The following PTPN1 variants were observed in gnomAD, a reference collection of about 807,000 sequenced individuals.
The protein encoded by PTPN1 is tyrosine-protein phosphatase non-receptor type 1.
PTPN1 carries 12 observed loss-of-function variants against 59.9 expected under a neutral mutation model. The ratio of observed to expected loss-of-function variants is 0.20; its 90% CI spans 0.13 to 0.32. The LOEUF is 0.32. Ranked by LOEUF, PTPN1 falls within the 10% of genes least tolerant of loss-of-function variation. The pLI, the probability that PTPN1 is intolerant of heterozygous loss-of-function variation, is 1.00. For missense variants in PTPN1, 356 were observed against 549.2 expected (o/e 0.65, Z 3.52); for synonymous variants, 178 against 203.6 (o/e 0.87, Z 1.07).
chr20:50,517,849 G>C (rs2082535678), intron 1 of PTPN1, among the ~76,000 whole-genome samples: 1 of 152,114 alleles, frequency 6.6e-6, no homozygotes, highest in Non-Finnish European at 1.5e-5. Context: ...TCCCAAGTAG[G>C]CTTGTGTCCC....
intron 1 of PTPN1, among the ~76,000 whole-genome samples, chr20:50,539,177 A>G (rs1176685443): frequency 6.6e-6 from 1 of 151,914 alleles, no homozygotes; most frequent in Non-Finnish European, 1.5e-5. Context: ...CTGGGATTAC[A>G]GTCACGTGCC....
At chr20:50,519,666 A>C (rs1393818428) in intron 1 of PTPN1, among the ~76,000 whole-genome samples, 1 of 152,144 alleles carries the variant, frequency 6.6e-6, no homozygotes, top group Admixed American at 6.5e-5. Flanking sequence ...TTTTATTTAC[A>C]GGGCAAAACT....
chr20:50,578,862 G>C (rs566871371), intron 6 of PTPN1, among the ~76,000 whole-genome samples: 1 of 152,180 alleles, frequency 6.6e-6, no homozygotes, highest in African/African-American at 2.4e-5. Context: ...GCATCTGCTC[G>C]GCTCCTGGGG....
rs1038485012 is a variant in PTPN1 at position 50,510,474 on chromosome 20, C to T, written c.-54C>T. On this transcript the variant is annotated 5_prime_UTR_variant, in exon 1 of 10. Transcript: ENST00000371621. ...GCTAAGAGCGCGACGCGGCCTAGAG[C>T]GGCAGACGGCGCAGTGGGCCGAGAA... The T allele has an allele frequency of 8.5e-6, 13 of 1,538,290 alleles. No individual in the cohort carries two copies. The African/African-American group carries it at 1.1e-4, about 13-fold the overall frequency.
chr20:50,513,135 A>C (rs1334375696), intron 1 of PTPN1, among the ~76,000 whole-genome samples: 1 of 152,234 alleles, frequency 6.6e-6, no homozygotes, highest in Non-Finnish European at 1.5e-5. Flanking sequence ...CTTTTTAGGC[A>C]GAGATTCTTT....
intron 1 of PTPN1, among the ~76,000 whole-genome samples, chr20:50,521,269 T>A (rs1015799845): frequency 6.6e-6 from 1 of 152,236 alleles, no homozygotes; most frequent in East Asian, 1.9e-4. Flanking sequence ...AATCTTCCAT[T>A]TGAGAGAGAA....
At chr20:50,561,154 C>T (rs1167127609) in intron 1 of PTPN1, among the ~76,000 whole-genome samples, 1 of 152,164 alleles carries the variant, frequency 6.6e-6, no homozygotes, top group Non-Finnish European at 1.5e-5. Flanking sequence ...TGCCCTCTTC[C>T]TCGTCTTTCC....
intron 1 of PTPN1, among the ~76,000 whole-genome samples, chr20:50,534,389 C>T (rs1362788300): frequency 6.6e-4 from 101 of 152,122 alleles, no homozygotes; most frequent in Admixed American, 6.6e-3. Context: ...TGAAAATATG[C>T]TGCATTATTT....
chr20:50,579,715 G>C lies in PTPN1; in HGVS notation c.877G>C (p.Glu293Gln). 1.2e-6 allele frequency: 2 copies of C among 1,612,088 alleles called. No homozygotes were observed. The highest frequency in any genetic ancestry group is 1.7e-6 in the Non-Finnish European group (2 of 1,179,650). ...CTGCTCTTTCAAGGATCAGTGGAAG[G>C]AGCTTTCCCACGAGGACCTGGAGCC... Reference protein sequence around the residue: ...GDSSVQDQWKELSHEDLEPPP... With the variant: ...GDSSVQDQWKQLSHEDLEPPP... The change falls in exon 8 of 10, where the codon GAG becomes CAG. Residue 293 changes from glutamate (E) to glutamine (Q), a missense_variant. Glu to Gln is a conservative substitution (Grantham distance 29, BLOSUM62 2). Coordinates refer to ENST00000371621, the MANE Select transcript of PTPN1 (RefSeq NM_002827.4).
intron 1 of PTPN1, among the ~76,000 whole-genome samples, chr20:50,530,900 C>G (rs936418302): frequency 1.3e-5 from 2 of 151,940 alleles, no homozygotes; most frequent in Non-Finnish European, 2.9e-5. Flanking sequence ...GACAGGGTCT[C>G]GCTATTTTGC....
At chr20:50,542,985 G>C (rs1205157656) in intron 1 of PTPN1, among the ~76,000 whole-genome samples, 1 of 152,112 alleles carries the variant, frequency 6.6e-6, no homozygotes, top group Non-Finnish European at 1.5e-5. Context: ...AGATTTTTCT[G>C]TTATGCCTAT....
At chr20:50,580,228 G>A (rs1258767310) in intron 8 of PTPN1, among the ~76,000 whole-genome samples, 1 of 152,132 alleles carries the variant, frequency 6.6e-6, no homozygotes, top group African/African-American at 2.4e-5. Context: ...CCCCCCTGAC[G>A]ACAGCGCCCT....
chr20:50,528,269 C>T (rs764324457), intron 1 of PTPN1, among the ~76,000 whole-genome samples: 2 of 152,186 alleles, frequency 1.3e-5, no homozygotes, highest in Non-Finnish European at 2.9e-5. Flanking sequence ...AGCACCATGT[C>T]TGAGTATACT....
chr20:50,568,402 G>A lies in PTPN1; in HGVS notation c.278G>A (p.Gly93Asp). ...LTQGPLPNTC[G>D]HFWEMVWEQK... ...CAGGGCCCTTTGCCTAACACATGCG[G>A]TCACTTTTGGGAGATGGTGTGGGAG... Residue 93 changes from glycine (G) to aspartate (D), a missense_variant, in exon 4 of 10, where the codon GGT becomes GAT. By Grantham distance (94) the Gly-to-Asp change is moderately conservative (BLOSUM62 -1). Around this residue, in one of 3 missense-constraint regions of PTPN1, gnomAD observed 194 missense variants for 344.2 expected, o/e 0.56. Transcript: ENST00000371621. The surrounding 1 kb of genome is among the most constrained non-coding windows in gnomAD (Gnocchi z 5.6). 6.2e-7 allele frequency: 1 copy of A among 1,614,102 alleles called. No homozygotes were observed. The highest frequency in any genetic ancestry group is 8.5e-7 in the Non-Finnish European group (1 of 1,179,976).
chr20:50,527,174 G>A (rs1172271748), intron 1 of PTPN1, among the ~76,000 whole-genome samples: 2 of 152,042 alleles, frequency 1.3e-5, no homozygotes, highest in Admixed American at 6.6e-5. Flanking sequence ...CCAGTTCAAC[G>A]TTCTCAGCTT....
chr20:50,576,826 G>T (rs2082839302), intron 5 of PTPN1, among the ~76,000 whole-genome samples: 2 of 152,180 alleles, frequency 1.3e-5, no homozygotes, highest in Admixed American at 6.5e-5. Flanking sequence ...ATTGAGCCGA[G>T]ATCATGCCAC....
chr20:50,582,997 C>T lies in PTPN1; in HGVS notation c.*282C>T. 2.0e-6 allele frequency: 1 copy of T among 491,650 alleles called. No individual in the cohort carries two copies. The highest frequency in any genetic ancestry group is 3.7e-6 in the Non-Finnish European group (1 of 271,856). The allele number at this position is 491,650 out of a possible 1,614,324, so 30.5% of individuals were successfully genotyped here. A position where few individuals can be genotyped will look rare whatever the true frequency, so the allele number is the denominator to read the frequency against. ...ATGCTGGCGGCGCAGAGGGAAGGGG[C>T]CTACACCCGTCTTGGGGCTCGCCCC... On this transcript the variant is annotated 3_prime_UTR_variant, in exon 10 of 10. Coordinates refer to ENST00000371621, the MANE Select transcript of PTPN1 (RefSeq NM_002827.4). The surrounding 1 kb of genome is among the most constrained non-coding windows in gnomAD (Gnocchi z 4.2).
intron 2 of PTPN1, among the ~76,000 whole-genome samples, chr20:50,564,002 G>A (rs1435676669): frequency 1.3e-5 from 2 of 151,870 alleles, no homozygotes; most frequent in South Asian, 2.1e-4. Flanking sequence ...TCTCTTTCAA[G>A]TGTCTTTGTG....
intron 1 of PTPN1, among the ~76,000 whole-genome samples, chr20:50,551,233 G>A (rs2082700927): frequency 6.6e-6 from 1 of 152,182 alleles, no homozygotes; most frequent in South Asian, 2.1e-4. Flanking sequence ...AGTGGGGAAG[G>A]ATGGGAAATG....
Sources: allele counts gnomAD v4.1 joint callset (sites outside exome capture counted in the v4.1 genomes callset), GRCh38; gene constraint gnomAD v4.1.1; regional missense constraint gnomAD v4.1.1; non-coding constraint Gnocchi (gnomAD v3.1); transcripts MANE v1.5; gene names NCBI Gene and HGNC (gene_info 2026-07-23, HGNC 2026-07-21).